The following PLEKHD1 variants were observed in gnomAD, a reference collection of about 807,000 sequenced individuals.
The protein encoded by PLEKHD1 is pleckstrin homology and coiled-coil domain containing D1.
In PLEKHD1, 51 loss-of-function variants were observed where a neutral mutation model predicts 69.2. The observed-to-expected ratio is 0.74, with a 90% CI of 0.59 to 0.93. The LOEUF is 0.93. PLEKHD1 is among the 40% of genes least tolerant of loss of function. The probability of loss-of-function intolerance (pLI) is 0.00; values close to 1 mark genes in which losing one functional copy is unlikely to be tolerated. For synonymous variants in PLEKHD1, 236 were observed against 244.7 expected (o/e 0.96, Z 0.33); for missense variants, 584 against 641.0 (o/e 0.91, Z 0.96).
At chr14:69,477,306 T>G in the PLEKHD1 span, among the ~76,000 whole-genome samples, 1 of 152,120 alleles carries the variant, frequency 6.6e-6, no homozygotes, top group Non-Finnish European at 1.5e-5. Flanking sequence ...CCCCCATGAT[T>G]CAACTACCTC....
At chr14:69,496,626 G>C (rs1260436671) in intron 1 of PLEKHD1, among the ~76,000 whole-genome samples, 2 of 151,566 alleles carry the variant, frequency 1.3e-5, no homozygotes, top group Admixed American at 1.3e-4. Flanking sequence ...CTGCAGCTTT[G>C]AACTCCTGGA....
intron 6 of PLEKHD1, among the ~76,000 whole-genome samples, chr14:69,504,481 C>T (rs746309071): frequency 2.0e-5 from 3 of 150,756 alleles, no homozygotes; most frequent in Admixed American, 6.6e-5. Flanking sequence ...CCCCTTTGCA[C>T]CCCAAATATT....
At chr14:69,470,462 A>AT in the PLEKHD1 span, among the ~76,000 whole-genome samples, 1 of 151,886 alleles carries the variant, frequency 6.6e-6, no homozygotes, top group South Asian at 2.1e-4. Context: ...AAAAAAAAAA[A>AT]AAAAACTAGT....
At chr14:69,472,776 C>G in the PLEKHD1 span, among the ~76,000 whole-genome samples, 1 of 152,198 alleles carries the variant, frequency 6.6e-6, no homozygotes, top group African/African-American at 2.4e-5. Flanking sequence ...TAAGTGCACT[C>G]TATGGCAGGG....
At position 69,528,803 on chromosome 14, in the gene PLEKHD1, C is replaced by A; in HGVS notation, c.*384C>A. ...CCACTGAGGAAGATGGCAGCCCTCC[C>A]TGGTGCCCACTGGACCTCTCTGGGA... On this transcript the variant is annotated 3_prime_UTR_variant, in exon 13 of 13. Transcript: ENST00000322564. The A allele has an allele frequency of 9.5e-6, 2 of 209,512 alleles. No homozygotes were observed. Among genetic ancestry groups the A allele is most frequent in the South Asian group, 1.0e-4 (1 of 9,582 alleles). The allele number at this position is 209,512 out of a possible 1,614,324, so 13.0% of individuals were successfully genotyped here. A position where few individuals can be genotyped will look rare whatever the true frequency, so the allele number is the denominator to read the frequency against.
Position 69,508,987 on chromosome 14 carries a change from C to T in PLEKHD1, c.555+6108C>T, listed in dbSNP as rs556971014. Among the ~76,000 whole-genome samples, 288 of 152,252 alleles carry T rather than the reference C, an allele frequency of 1.9e-3. 1 individual carries two copies. The highest frequency in any genetic ancestry group is 2.4e-3 in the Non-Finnish European group (162 of 68,018). ...ACAGTTTGCTGTTTGATCATATAGCCGCCAGTAGAATGCTGAGTTGGTCAC... is the reference window on the plus strand; with the variant it reads ...ACAGTTTGCTGTTTGATCATATAGCTGCCAGTAGAATGCTGAGTTGGTCAC... On this transcript the variant is annotated intron_variant, in intron 6 of 12. Transcript: ENST00000322564.
At chr14:69,494,929 G>A (rs549732436) in intron 1 of PLEKHD1, among the ~76,000 whole-genome samples, 1 of 152,126 alleles carries the variant, frequency 6.6e-6, no homozygotes, top group Non-Finnish European at 1.5e-5. Context: ...CCCTCCGTTG[G>A]GCCGAACTCA....
chr14:69,503,191 C>T (rs150554379), intron 6 of PLEKHD1: 6 of 395,226 alleles, frequency 1.5e-5, no homozygotes, highest in South Asian at 9.2e-5. Context: ...ATGATGTTCA[C>T]GGGAGCTATA....
In PLEKHD1 at chr14:69,526,731, G is replaced by A; in HGVS notation, c.958G>A (p.Glu320Lys). 1 of 1,547,038 alleles carries A rather than the reference G, an allele frequency of 6.5e-7. No homozygotes were observed. Among genetic ancestry groups the A allele is most frequent in the Non-Finnish European group, 8.7e-7 (1 of 1,144,620 alleles). The change falls in exon 10 of 13, where the codon GAG becomes AAG. Residue 320 changes from glutamate to lysine, a missense_variant. Glu to Lys is a moderately conservative substitution (Grantham distance 56). Coordinates refer to ENST00000322564, the MANE Select transcript of PLEKHD1 (RefSeq NM_001161498.2). ...KENEERSRALEEEREFYSSQS... is the reference protein window; with the variant it reads ...KENEERSRALKEEREFYSSQS... ...GAACGAGGAGCGCTCACGGGCCCTG[G>A]AGGAGGAGCGTGAGTTCTACTCCAG... is the stretch of plus-strand genomic sequence containing the variant.
the PLEKHD1 span, among the ~76,000 whole-genome samples, chr14:69,469,202 A>G: frequency 1.3e-5 from 2 of 152,032 alleles, no homozygotes; most frequent in Non-Finnish European, 2.9e-5. Context: ...AGAGAGGAGG[A>G]TGTTAGAGGG....
intron 2 of PLEKHD1, 69 bp downstream of exon 2, chr14:69,500,277 G>C: frequency 7.8e-7 from 1 of 1,277,126 alleles, no homozygotes; most frequent in East Asian, 2.5e-5. Context: ...TGCATCTTGT[G>C]AGGGGAGGGG....
At chr14:69,500,039 A>C in intron 1 of PLEKHD1, 76 bp from the exon 2 acceptor site, 3 of 1,040,286 alleles carry the variant, frequency 2.9e-6, no homozygotes, top group Non-Finnish European at 4.3e-6. Flanking sequence ...CAGGGCCCCC[A>C]AGGGTGCTCT....
intron 1 of PLEKHD1, among the ~76,000 whole-genome samples, chr14:69,490,944 C>T (rs1239274177): frequency 6.6e-6 from 1 of 152,168 alleles, no homozygotes; most frequent in African/African-American, 2.4e-5. Flanking sequence ...GAGGGAGAAG[C>T]CAGGCTGGAT....
At chr14:69,526,948 G>A (rs779439408) in intron 10 of PLEKHD1, 119 bp downstream of exon 10, 2 of 1,386,146 alleles carry the variant, frequency 1.4e-6, no homozygotes, top group Non-Finnish European at 1.9e-6. Flanking sequence ...AGACAGCCAG[G>A]CATGGGGGAT....
Position 69,527,310 on chromosome 14 carries a change from G to A in PLEKHD1, c.1179G>A (p.Arg393=). The change falls in exon 11 of 13, where the codon CGG becomes CGA. Residue 393 remains arginine, a synonymous_variant. Transcript: ENST00000322564. The part of the protein sequence containing the change: ...VRNKEKEERM[R]ADVSHLKRFF... ...ATAAGGAGAAGGAGGAGAGGATGCG[G>A]GCTGATGTGAGCCATCTGAAAAGTA... 6.4e-7 allele frequency: 1 copy of A among 1,551,746 alleles called. No homozygotes were observed.
At chr14:69,472,314 G>A in the PLEKHD1 span, among the ~76,000 whole-genome samples, 7 of 152,276 alleles carry the variant, frequency 4.6e-5, no homozygotes, top group South Asian at 1.5e-3. Context: ...TGTTTATAAT[G>A]TAAGAAGTAA....
At chr14:69,503,685 C>G (rs1883083568) in intron 6 of PLEKHD1, 1 of 116,034 alleles carries the variant, frequency 8.6e-6, no homozygotes, top group Non-Finnish European at 1.7e-5. Context: ...AGCGAGACTC[C>G]GTCTCAAAAA....
chr14:69,499,225 G>GCACACA lies in PLEKHD1; in HGVS notation c.150-854_150-849dup, dbSNP rs10551303. Among the ~76,000 whole-genome samples the GCACACA allele has an allele frequency of 1.8e-3, 253 of 144,416 alleles. 2 individuals carry two copies. The highest frequency in any genetic ancestry group is 5.3e-3 in the African/African-American group (208 of 39,292). The allele number at this position is 144,416 out of a possible 152,430, so 94.7% of individuals were successfully genotyped here. On this transcript the variant is annotated intron_variant, in intron 1 of 12. Transcript: ENST00000322564. ...ATGTAAACTTTAAACTCTCATACGT[G>GCACACA]CACACACACACACACACACACACAC...
intron 10 of PLEKHD1, 57 bp downstream of exon 10, chr14:69,526,886 C>T: frequency 6.8e-7 from 1 of 1,465,758 alleles, no homozygotes; most frequent in Non-Finnish European, 9.0e-7. Context: ...ACTCCCCTTC[C>T]ACCCCTGCAC....
Sources: gnomAD v4.1 joint callset for allele counts (sites outside exome capture counted in the v4.1 genomes callset) on GRCh38, gnomAD v4.1.1 for gene constraint, MANE v1.5 for transcripts, NCBI Gene and HGNC (gene_info 2026-07-23, HGNC 2026-07-21) for gene names.